The following SLC25A48 variants were observed in gnomAD, a reference collection of about 807,000 sequenced individuals.
The protein encoded by SLC25A48 is CTC-321K16.1.
A neutral mutation model predicts 32.2 loss-of-function variants in SLC25A48; 29 were observed. The observed-to-expected ratio is 0.90, with a 90% CI of 0.67 to 1.23. SLC25A48 has a LOEUF of 1.23. SLC25A48 is among the 50% of genes most tolerant of loss of function. SLC25A48 has a pLI of 0.00. For missense variants in SLC25A48, 399 were observed against 422.7 expected (o/e 0.94, Z 0.49); for synonymous variants, 164 against 172.3 (o/e 0.95, Z 0.38).
At chr5:135,723,065 T>C (rs931730336) in intron 3 of SLC25A48, among the ~76,000 whole-genome samples, 3 of 152,204 alleles carry the variant, frequency 2.0e-5, no homozygotes, top group African/African-American at 7.2e-5. Context: ...CTAGGTATCT[T>C]CTTGCTGAGG....
intron 4 of SLC25A48, among the ~76,000 whole-genome samples, chr5:135,815,113 T>C (rs1443706216): frequency 6.6e-6 from 1 of 152,214 alleles, no homozygotes; most frequent in African/African-American, 2.4e-5. Context: ...ACCCTGACTT[T>C]CACAGCATCT....
At chr5:135,587,781 C>G (rs933231300) in intron 1 of SLC25A48, among the ~76,000 whole-genome samples, 1 of 152,218 alleles carries the variant, frequency 6.6e-6, no homozygotes, top group African/African-American at 2.4e-5. Context: ...AAAGAATTGT[C>G]ATAAACAGCT....
intron 3 of SLC25A48, among the ~76,000 whole-genome samples, chr5:135,658,376 A>G (rs1024486927): frequency 1.3e-5 from 2 of 152,188 alleles, no homozygotes; most frequent in East Asian, 1.9e-4. Context: ...TCCAGGGCAC[A>G]CTGATGCTAA....
intron 3 of SLC25A48, among the ~76,000 whole-genome samples, chr5:135,643,381 T>G (rs1371271785): frequency 6.6e-6 from 1 of 152,110 alleles, no homozygotes; most frequent in Non-Finnish European, 1.5e-5. Context: ...GGTGACCAAT[T>G]CAGAATGTCA....
At chr5:135,653,232 G>C (rs1317158711) in intron 3 of SLC25A48, among the ~76,000 whole-genome samples, 1 of 152,170 alleles carries the variant, frequency 6.6e-6, no homozygotes, top group Non-Finnish European at 1.5e-5. Flanking sequence ...CCAGGACAAG[G>C]CCACTGAATC....
chr5:135,762,211 C>G (rs1439145557), intron 3 of SLC25A48, among the ~76,000 whole-genome samples: 1 of 152,194 alleles, frequency 6.6e-6, no homozygotes, highest in Non-Finnish European at 1.5e-5. Flanking sequence ...TCATGTTGAA[C>G]AGCACGGGGC....
intron 3 of SLC25A48, among the ~76,000 whole-genome samples, chr5:135,790,997 G>A (rs1420134621): frequency 6.7e-6 from 1 of 149,924 alleles, no homozygotes; most frequent in Non-Finnish European, 1.5e-5. Context: ...TAATTACGGG[G>A]GGGGTGTTAC....
intron 1 of SLC25A48, among the ~76,000 whole-genome samples, chr5:135,603,977 G>A (rs7712682): frequency 0.27 from 41,725 of 152,090 alleles, 6,047 homozygotes; most frequent in African/African-American, 0.33. Context: ...GAAAGCAGAC[G>A]GTGTGGAAAA....
intron 3 of SLC25A48, among the ~76,000 whole-genome samples, chr5:135,791,961 C>T (rs1266085709): frequency 1.3e-5 from 2 of 151,648 alleles, no homozygotes; most frequent in African/African-American, 4.8e-5. Context: ...CATGTACACA[C>T]ACGGTGTACA....
intron 3 of SLC25A48, among the ~76,000 whole-genome samples, chr5:135,713,064 G>A (rs1019479384): frequency 5.9e-5 from 9 of 152,098 alleles, no homozygotes; most frequent in Non-Finnish European, 1.0e-4. Context: ...AACAGTGATC[G>A]CTCAGCATTA....
intron 3 of SLC25A48, among the ~76,000 whole-genome samples, chr5:135,686,038 G>A (rs181760190): frequency 2.7e-4 from 41 of 152,236 alleles, no homozygotes; most frequent in Middle Eastern, 3.4e-3. Context: ...ATATGAGGCC[G>A]GAGCAAGCTG....
chr5:135,594,728 A>C (rs1751606333), intron 1 of SLC25A48, among the ~76,000 whole-genome samples: 1 of 152,046 alleles, frequency 6.6e-6, no homozygotes, highest in South Asian at 2.1e-4. Flanking sequence ...AGTGAAAGGG[A>C]GTGGGTGAAT....
chr5:135,853,755 C>A (rs141118220), intron 4 of SLC25A48, among the ~76,000 whole-genome samples: 135 of 152,304 alleles, frequency 8.9e-4, no homozygotes, highest in African/African-American at 3.1e-3. Context: ...ATTTTGACCT[C>A]CTCCCATGAA....
At chr5:135,788,820 C>T (rs1756930543) in intron 3 of SLC25A48, among the ~76,000 whole-genome samples, 3 of 150,082 alleles carry the variant, frequency 2.0e-5, no homozygotes, top group South Asian at 4.2e-4. Flanking sequence ...GGATGTACAC[C>T]CCCCTCCCTG....
At chr5:135,650,405 A>T (rs1313649788) in intron 3 of SLC25A48, 2 of 456,136 alleles carry the variant, frequency 4.4e-6, no homozygotes, top group Non-Finnish European at 4.4e-6. Flanking sequence ...ATTGAGGATG[A>T]TGCTTCCTTC....
intron 3 of SLC25A48, among the ~76,000 whole-genome samples, chr5:135,748,697 C>T (rs1755698465): frequency 6.6e-6 from 1 of 151,770 alleles, no homozygotes; most frequent in South Asian, 2.1e-4. Flanking sequence ...TCCTCTGTCA[C>T]ACTTCAGAGG....
At chr5:135,616,455 A>G (rs1416153675) in intron 1 of SLC25A48, among the ~76,000 whole-genome samples, 1 of 152,148 alleles carries the variant, frequency 6.6e-6, no homozygotes, top group Non-Finnish European at 1.5e-5. Context: ...ATTATTTTGG[A>G]GCTTTAAGAT....
At chr5:135,868,961 G>A (rs946528320) in intron 4 of SLC25A48, among the ~76,000 whole-genome samples, 1 of 152,070 alleles carries the variant, frequency 6.6e-6, no homozygotes, top group Non-Finnish European at 1.5e-5. Context: ...TTAGACACTG[G>A]GACAATTATA....
At chr5:135,844,955 G>A (rs1334580175) in intron 2 of SLC25A48, among the ~76,000 whole-genome samples, 1 of 152,158 alleles carries the variant, frequency 6.6e-6, no homozygotes, top group Non-Finnish European at 1.5e-5. Context: ...TAAGTGAGTT[G>A]GTAACAAGTC....
Sources: allele counts gnomAD v4.1 joint callset (sites outside exome capture counted in the v4.1 genomes callset), GRCh38; gene constraint gnomAD v4.1.1; transcripts MANE v1.5; gene names NCBI Gene and HGNC (gene_info 2026-07-23, HGNC 2026-07-21).